The following ZNF385D variants were observed in gnomAD, a reference collection of about 807,000 sequenced individuals.
The protein encoded by ZNF385D is zinc finger protein 659.
A neutral mutation model predicts 35.8 loss-of-function variants in ZNF385D; 15 were observed. The ratio of observed to expected loss-of-function variants is 0.42; its 90% CI spans 0.28 to 0.64. ZNF385D has a LOEUF of 0.64. ZNF385D is among the 30% of genes least tolerant of loss of function. The pLI is 0.23. For missense variants in ZNF385D, 474 were observed against 494.6 expected, an observed-to-expected ratio of 0.96 and a Z score of 0.39; for synonymous variants, 212 against 186.8, an observed-to-expected ratio of 1.13 and a Z score of -1.10.
chr3:21,608,416 T>C (rs960239578), intron 2 of ZNF385D, among the ~76,000 whole-genome samples: 2 of 152,224 alleles, frequency 1.3e-5, no homozygotes, highest in Non-Finnish European at 2.9e-5. Context: ...TAACTAAAAA[T>C]GTAGAATTTG....
intron 2 of ZNF385D, among the ~76,000 whole-genome samples, chr3:21,565,554 A>T (rs1325697199): frequency 6.6e-6 from 1 of 151,438 alleles, no homozygotes; most frequent in Non-Finnish European, 1.5e-5. Context: ...CTTGATCTTA[A>T]TTCTTTCATG....
At chr3:21,447,652 T>C (rs891056316) in intron 4 of ZNF385D, among the ~76,000 whole-genome samples, 4 of 152,212 alleles carry the variant, frequency 2.6e-5, no homozygotes, top group Admixed American at 2.6e-4. Flanking sequence ...ATCTAACGGT[T>C]GGAATTATGA....
At chr3:21,858,032 C>G (rs1459610024) in intron 3 of ZNF385D, among the ~76,000 whole-genome samples, 2 of 151,476 alleles carry the variant, frequency 1.3e-5, no homozygotes, top group Non-Finnish European at 2.9e-5. Flanking sequence ...CATGGTGGCA[C>G]AAGCCTGTAG....
At chr3:21,812,803 T>G (rs1406196659) in intron 3 of ZNF385D, among the ~76,000 whole-genome samples, 1 of 152,202 alleles carries the variant, frequency 6.6e-6, no homozygotes, top group Admixed American at 6.5e-5. Flanking sequence ...GTCAGAAACC[T>G]GCAGAATTAA....
intron 3 of ZNF385D, among the ~76,000 whole-genome samples, chr3:21,932,194 A>AAAAAAAAAAAAAAAAAAT (rs1701047571): frequency 7.1e-6 from 1 of 140,808 alleles, no homozygotes; most frequent in African/African-American, 2.6e-5. Flanking sequence ...AAAAAAAAAA[A>AAAAAAAAAAAAAAAAAAT]GTGTGACTTG....
Position 21,751,101 on chromosome 3 carries a change from A to G in ZNF385D, c.-185T>C. ...CTTGCAGGCTGCCTTTCCAGGGCTA[A>G]GATCCCCGGCGGCTGGAGAGTGCGC... On this transcript the variant is annotated 5_prime_UTR_variant, in exon 1 of 8. Transcript: ENST00000281523. 1 of 1,483,208 alleles carries G rather than the reference A, an allele frequency of 6.7e-7. No individual in the cohort carries two copies. 91.9% of individuals were successfully genotyped at this position (1,483,208 alleles called of 1,614,324 possible).
At chr3:21,999,014 C>T (rs969269350) in intron 3 of ZNF385D, among the ~76,000 whole-genome samples, 8 of 152,148 alleles carry the variant, frequency 5.3e-5, no homozygotes, top group African/African-American at 7.2e-5. Flanking sequence ...TTGGTTTTCT[C>T]GGTTTAGCCT....
intron 2 of ZNF385D, among the ~76,000 whole-genome samples, chr3:22,233,686 G>T (rs28648055): frequency 0.061 from 9,249 of 152,008 alleles, 743 homozygotes; most frequent in African/African-American, 0.18. Flanking sequence ...AATTATCCCA[G>T]TGAAAGTCAC....
At chr3:21,728,715 G>C (rs897429036) in intron 1 of ZNF385D, among the ~76,000 whole-genome samples, 3 of 152,144 alleles carry the variant, frequency 2.0e-5, no homozygotes, top group African/African-American at 7.2e-5. Flanking sequence ...CAGCTAGTGA[G>C]GGGCAGAGGA....
intron 1 of ZNF385D, among the ~76,000 whole-genome samples, chr3:21,690,984 A>T (rs2067264507): frequency 6.6e-6 from 1 of 152,092 alleles, no homozygotes; most frequent in African/African-American, 2.4e-5. Context: ...CCTGTTTACT[A>T]CCTTTTTCCC....
intron 2 of ZNF385D, among the ~76,000 whole-genome samples, chr3:21,651,204 C>T (rs11717240): frequency 0.11 from 14,503 of 136,700 alleles, 775 homozygotes; most frequent in East Asian, 0.19. Context: ...AGGAGAATGG[C>T]GTGAACCTGG....
intron 3 of ZNF385D, among the ~76,000 whole-genome samples, chr3:22,103,530 A>G (rs549539688): frequency 6.6e-6 from 1 of 152,220 alleles, no homozygotes; most frequent in East Asian, 1.9e-4. Flanking sequence ...GTGGGAAATT[A>G]TCTTCAATCA....
intron 3 of ZNF385D, among the ~76,000 whole-genome samples, chr3:22,007,544 T>A (rs1184432423): frequency 6.6e-6 from 1 of 152,232 alleles, no homozygotes; most frequent in African/African-American, 2.4e-5. Flanking sequence ...GAAATGGTTA[T>A]GTAATTTTGA....
chr3:21,530,677 TG>T, intron 3 of ZNF385D, among the ~76,000 whole-genome samples: 1 of 152,074 alleles, frequency 6.6e-6, no homozygotes, highest in Non-Finnish European at 1.5e-5. Context: ...TTCGTTGATG[TG>T]TCATTCTAAG....
rs540270855 is a variant in ZNF385D at position 22,344,586 on chromosome 3, G to GTT, written c.106+27862_106+27863dup. 2.0e-5 allele frequency among the ~76,000 whole-genome samples: 3 copies of GTT among 151,356 alleles called. No individual in the cohort carries two copies. In the East Asian group the frequency reaches 5.8e-4, roughly 29 times the overall value. ...GGGGTTTTCTTTGTTTTTTTGTTTTGTTTTTTTGTATTTTTTGTAGAGAAG... is the reference window on the plus strand; with the variant it reads ...GGGGTTTTCTTTGTTTTTTTGTTTTGTTTTTTTTTGTATTTTTTGTAGAGAAG... On this transcript the variant is annotated intron_variant, in intron 2 of 5. Transcript: ENST00000494108.
At chr3:21,422,350 T>C (rs1700780746) in intron 7 of ZNF385D, among the ~76,000 whole-genome samples, 1 of 152,200 alleles carries the variant, frequency 6.6e-6, no homozygotes, top group Non-Finnish European at 1.5e-5. Context: ...AAAAGTAAAG[T>C]AACTTTACTT....
chr3:22,292,394 C>T (rs887003306), intron 2 of ZNF385D, among the ~76,000 whole-genome samples: 1 of 151,940 alleles, frequency 6.6e-6, no homozygotes, highest in African/African-American at 2.4e-5. Flanking sequence ...AAACTCTAAG[C>T]TTTTAAGTAT....
At chr3:21,782,375 A>T (rs1339337650) in intron 3 of ZNF385D, among the ~76,000 whole-genome samples, 1 of 152,114 alleles carries the variant, frequency 6.6e-6, no homozygotes, top group Non-Finnish European at 1.5e-5. Context: ...GAGAGTTTAA[A>T]TATTTCTTTT....
chr3:21,764,055 A>G (rs1419299866), intron 3 of ZNF385D, among the ~76,000 whole-genome samples: 2 of 152,210 alleles, frequency 1.3e-5, no homozygotes, highest in Non-Finnish European at 2.9e-5. Context: ...TCAGAAAAGT[A>G]GGGAAAGATG....
Sources: allele counts gnomAD v4.1 joint callset (sites outside exome capture counted in the v4.1 genomes callset), GRCh38; gene constraint gnomAD v4.1.1; transcripts MANE v1.5; gene names NCBI Gene and HGNC (gene_info 2026-07-23, HGNC 2026-07-21).